Variants in TMEM87A observed in about 807,000 individuals in gnomAD.
TMEM87A encodes transmembrane protein 87A.
TMEM87A carries 50 observed loss-of-function variants against 90.0 expected under a neutral mutation model. That is an observed-to-expected ratio of 0.56 (90% CI 0.44 to 0.70). The LOEUF is 0.70. Ranked by LOEUF, TMEM87A falls within the 30% of genes least tolerant of loss-of-function variation. TMEM87A has a pLI of 0.00. For synonymous variants in TMEM87A, 226 were observed against 226.7 expected, an observed-to-expected ratio of 1.00 and a Z score of 0.03; for missense variants, 577 against 660.5, an observed-to-expected ratio of 0.87 and a Z score of 1.39.
intron 6 of TMEM87A, among the ~76,000 whole-genome samples, chr15:42,255,081 GC>G (rs2051152275): frequency 6.6e-6 from 1 of 150,870 alleles, no homozygotes; most frequent in Admixed American, 6.6e-5. Context: ...CCTCACTTCA[GC>G]CTCCCCTGTA....
rs551340236 is a variant in TMEM87A at position 42,220,936 on chromosome 15, C to T, written c.1404-801G>A. 1.7e-3 allele frequency among the ~76,000 whole-genome samples: 258 copies of T among 152,214 alleles called. 1 individual carries two copies. The highest frequency in any genetic ancestry group is 0.01 in the South Asian group (50 of 4,822). On this transcript the variant is annotated intron_variant, in intron 15 of 19. Coordinates refer to ENST00000389834, the MANE Select transcript of TMEM87A (RefSeq NM_015497.5). ...CTTCCCGAATAGCTGGGAGTACAGG[C>T]GCCCGCCACGATGCCTGGCCAATTT...
At chr15:42,230,122 C>T (rs868570973) in intron 12 of TMEM87A, among the ~76,000 whole-genome samples, 3 of 152,172 alleles carry the variant, frequency 2.0e-5, no homozygotes, top group African/African-American at 7.2e-5. Flanking sequence ...CCACTGCACC[C>T]GGCTCAATTT....
At position 42,272,840 on chromosome 15, in the gene TMEM87A, G is replaced by T. The variant is rs1322371858; in HGVS notation, c.144+415C>A. 22 of 427,738 alleles carry T rather than the reference G, an allele frequency of 5.1e-5. No individual in the cohort carries two copies. In the East Asian group the frequency reaches 1.4e-3, roughly 27 times the overall value. The allele number at this position is 427,738 out of a possible 1,614,324, so 26.5% of individuals were successfully genotyped here. The stretch of plus-strand genomic sequence containing the variant: ...GTAAGCAGAATTACCCAGGGACCAA[G>T]AAGTGCAGAGGAAGAAAAAGAAAGA... On this transcript the variant is annotated intron_variant, in intron 1 of 19. Coordinates refer to ENST00000389834, the MANE Select transcript of TMEM87A (RefSeq NM_015497.5).
Position 42,219,610 on chromosome 15 carries a change from G to C in TMEM87A, c.1510C>G (p.Pro504Ala), listed in dbSNP as rs2050438068. Residue 504 changes from proline to alanine, a missense_variant, in exon 17 of 20, where the codon CCC becomes GCC. Transcript: ENST00000389834. ...GMKMRSTKQE[P>A]NGNSKVNKAQ... ...TTGTTAACTTTACTATTTCCATTGG[G>C]TTCTTGTTTGGTACTTCTCATTTTC... 1 of 1,600,334 alleles carries C rather than the reference G, an allele frequency of 6.2e-7. No homozygotes were observed. Among genetic ancestry groups the C allele is most frequent in the Admixed American group, 1.7e-5 (1 of 58,200 alleles).
intron 11 of TMEM87A, 56 bp downstream of exon 11, chr15:42,233,157 A>G (rs1216456686): frequency 2.1e-6 from 3 of 1,441,036 alleles, no homozygotes; most frequent in Non-Finnish European, 1.9e-6. Flanking sequence ...CACACTGTCA[A>G]GATGTAAACA....
At chr15:42,257,924 T>A in intron 6 of TMEM87A, 3 of 984,150 alleles carry the variant, frequency 3.0e-6, no homozygotes, top group Non-Finnish European at 3.6e-6. Flanking sequence ...CACACCAAAC[T>A]GCTAAAACTA....
chr15:42,257,688 T>C (rs2051209664), intron 6 of TMEM87A, among the ~76,000 whole-genome samples: 1 of 152,126 alleles, frequency 6.6e-6, no homozygotes, highest in Non-Finnish European at 1.5e-5. Flanking sequence ...CACAGAAATA[T>C]AGCTAGACAT....
intron 6 of TMEM87A, among the ~76,000 whole-genome samples, chr15:42,250,983 T>C (rs1241755924): frequency 6.6e-6 from 1 of 152,236 alleles, no homozygotes; most frequent in Non-Finnish European, 1.5e-5. Flanking sequence ...CTTCATTTCA[T>C]TCATTTGATT....
intron 1 of TMEM87A, 112 bp from the exon 2 acceptor site, chr15:42,272,235 G>A (rs767381928): frequency 4.5e-5 from 31 of 695,268 alleles, no homozygotes; most frequent in African/African-American, 2.8e-4. Context: ...TTTATGGGAC[G>A]TACCCCTTAA....
At chr15:42,265,881 G>C (rs1438587998) in intron 3 of TMEM87A, among the ~76,000 whole-genome samples, 3 of 152,128 alleles carry the variant, frequency 2.0e-5, no homozygotes, top group Admixed American at 2.0e-4. Flanking sequence ...ATCTTGAGTT[G>C]ATTTTTGAAT....
chr15:42,259,426 C>T (rs1473415667), intron 6 of TMEM87A, among the ~76,000 whole-genome samples: 1 of 152,168 alleles, frequency 6.6e-6, no homozygotes, highest in Admixed American at 6.5e-5. Flanking sequence ...GACTGATCAC[C>T]TGAGCTGTCT....
intron 19 of TMEM87A, among the ~76,000 whole-genome samples, chr15:42,216,531 A>G (rs904301377): frequency 6.6e-6 from 1 of 152,220 alleles, no homozygotes; most frequent in African/African-American, 2.4e-5. Context: ...GGTTTCAATT[A>G]ATCAGCCTTC....
At chr15:42,240,836 T>C (rs1217198051) in intron 7 of TMEM87A, among the ~76,000 whole-genome samples, 2 of 152,194 alleles carry the variant, frequency 1.3e-5, no homozygotes, top group Non-Finnish European at 2.9e-5. Context: ...AGAGCAATTA[T>C]AAAAATTTCA....
chr15:42,216,682 A>G (rs1343650171), intron 19 of TMEM87A, among the ~76,000 whole-genome samples: 1 of 152,242 alleles, frequency 6.6e-6, no homozygotes. Context: ...GATAGGTTCA[A>G]ATCTGAATGG....
intron 8 of TMEM87A, among the ~76,000 whole-genome samples, chr15:42,238,856 A>G (rs1021906748): frequency 2.6e-5 from 4 of 151,614 alleles, no homozygotes; most frequent in African/African-American, 9.7e-5. Context: ...ATTAGGATAC[A>G]TCTAGAGGCA....
chr15:42,248,042 G>A (rs1224567333), intron 6 of TMEM87A, among the ~76,000 whole-genome samples: 1 of 152,068 alleles, frequency 6.6e-6, no homozygotes, highest in East Asian at 1.9e-4. Context: ...TATTCTCTTT[G>A]TAGCAATTGT....
intron 10 of TMEM87A, among the ~76,000 whole-genome samples, chr15:42,235,227 C>A (rs1258585577): frequency 6.6e-6 from 1 of 152,136 alleles, no homozygotes; most frequent in Non-Finnish European, 1.5e-5. Context: ...TTAGCAGACA[C>A]AGGGTTTCAC....
In TMEM87A at chr15:42,226,902, C is replaced by A; in HGVS notation, c.1307G>T (p.Arg436Leu). 1 of 1,613,996 alleles carries A rather than the reference C, an allele frequency of 6.2e-7. No homozygotes were observed. Among genetic ancestry groups the A allele is most frequent in the Non-Finnish European group, 8.5e-7 (1 of 1,179,962 alleles). ...FRIVTCQSDW[R>L]ELWVDDAIWR... ...GATGGCATCGTCTACCCACAGCTCC[C>A]GCCAGTCCTACAATACAGGGGAGAA... Residue 436 changes from arginine (R) to leucine (L), a missense_variant, in exon 15 of 20, where the codon CGG (arginine) becomes CTG (leucine). Physicochemically the swap from Arg to Leu is moderately radical, Grantham distance 102. Transcript: ENST00000389834.
chr15:42,236,220 T>C, intron 10 of TMEM87A, 100 bp downstream of exon 10: 2 of 988,604 alleles, frequency 2.0e-6, no homozygotes, highest in South Asian at 2.8e-5. Context: ...ATTATTTCTT[T>C]TATCAACTAT....
Sources: gnomAD v4.1 joint callset for allele counts (sites outside exome capture counted in the v4.1 genomes callset) on GRCh38, gnomAD v4.1.1 for gene constraint, MANE v1.5 for transcripts, NCBI Gene and HGNC (gene_info 2026-07-23, HGNC 2026-07-21) for gene names.